Variants in FAF1 observed in about 807,000 individuals in gnomAD.
The protein encoded by FAF1 is FAS-associated factor 1.
In FAF1, 25 loss-of-function variants were observed where a neutral mutation model predicts 92.5. The observed-to-expected ratio is 0.27, with a 90% CI of 0.20 to 0.38. The LOEUF (loss-of-function observed/expected upper bound fraction) is 0.38, where lower values mean the gene tolerates loss of function less well. Ranked by LOEUF, FAF1 falls within the 10% of genes least tolerant of loss-of-function variation. FAF1 has a pLI of 1.00. For missense variants in FAF1, 636 were observed against 793.3 expected, an observed-to-expected ratio of 0.80 and a Z score of 2.38; for synonymous variants, 234 against 273.2, an observed-to-expected ratio of 0.86 and a Z score of 1.42.
chr1:50,894,515 C>A (rs1207840563), intron 1 of FAF1, among the ~76,000 whole-genome samples: 1 of 151,792 alleles, frequency 6.6e-6, no homozygotes, highest in African/African-American at 2.4e-5. Flanking sequence ...CAAGCTGTTA[C>A]TTAAGGCGCA....
intron 13 of FAF1, among the ~76,000 whole-genome samples, chr1:50,540,370 T>C (rs897652275): frequency 6.6e-6 from 1 of 152,122 alleles, no homozygotes; most frequent in East Asian, 1.9e-4. Context: ...TAGAATAATA[T>C]AGTGTTGTGC....
chr1:50,726,753 C>T (rs1009671461), intron 6 of FAF1, among the ~76,000 whole-genome samples: 1 of 152,064 alleles, frequency 6.6e-6, no homozygotes, highest in African/African-American at 2.4e-5. Context: ...GGCGTGAATC[C>T]GGGAGGCGGA....
At chr1:50,802,902 T>C (rs1285908605) in intron 2 of FAF1, among the ~76,000 whole-genome samples, 1 of 152,226 alleles carries the variant, frequency 6.6e-6, no homozygotes, top group Non-Finnish European at 1.5e-5. Context: ...ACTTAAGTAT[T>C]TGCCACAGTT....
At chr1:50,481,340 T>C (rs1439801543) in intron 17 of FAF1, among the ~76,000 whole-genome samples, 1 of 152,192 alleles carries the variant, frequency 6.6e-6, no homozygotes, top group Non-Finnish European at 1.5e-5. Flanking sequence ...GCTTCATTCA[T>C]GGTAAGTACC....
chr1:50,573,577 T>TCA (rs1260744552), intron 12 of FAF1, among the ~76,000 whole-genome samples: 1 of 152,112 alleles, frequency 6.6e-6, no homozygotes, highest in Non-Finnish European at 1.5e-5. Flanking sequence ...GTGAAAAGAA[T>TCA]CACAAAACTT....
At chr1:50,863,331 C>T (rs1361163251) in intron 1 of FAF1, among the ~76,000 whole-genome samples, 1 of 151,860 alleles carries the variant, frequency 6.6e-6, no homozygotes, top group East Asian at 1.9e-4. Context: ...AATAATGGCA[C>T]AACCTATCAA....
At chr1:50,678,672 C>G (rs749931302) in intron 7 of FAF1, among the ~76,000 whole-genome samples, 2 of 146,346 alleles carry the variant, frequency 1.4e-5, no homozygotes, top group Non-Finnish European at 3.0e-5. Context: ...CCCAGCTACT[C>G]AGAAGGCTGA....
At chr1:50,907,046 T>A (rs1644844900) in intron 1 of FAF1, among the ~76,000 whole-genome samples, 1 of 152,212 alleles carries the variant, frequency 6.6e-6, no homozygotes, top group African/African-American at 2.4e-5. Context: ...TATCTTGAGA[T>A]ACGTCCCATC....
chr1:50,607,777 C>T (rs768123344), intron 8 of FAF1, among the ~76,000 whole-genome samples: 6 of 152,228 alleles, frequency 3.9e-5, no homozygotes, highest in Non-Finnish European at 8.8e-5. Flanking sequence ...CAGTGACACT[C>T]GGACAAATCT....
At chr1:50,925,288 AAC>A (rs1235586368) in intron 1 of FAF1, among the ~76,000 whole-genome samples, 2 of 152,164 alleles carry the variant, frequency 1.3e-5, no homozygotes, top group African/African-American at 4.8e-5. Flanking sequence ...TCAGGACAAA[AAC>A]ACAGACAACA....
At chr1:50,865,161 T>C (rs1644469575) in intron 1 of FAF1, among the ~76,000 whole-genome samples, 1 of 152,146 alleles carries the variant, frequency 6.6e-6, no homozygotes, top group Non-Finnish European at 1.5e-5. Flanking sequence ...CCAGTTAGAA[T>C]GGCGATCATT....
intron 6 of FAF1, among the ~76,000 whole-genome samples, chr1:50,736,683 G>A (rs931777299): frequency 3.9e-5 from 6 of 151,922 alleles, no homozygotes; most frequent in African/African-American, 1.2e-4. Context: ...CCCAGGAGGC[G>A]GAGGTTGCAG....
At chr1:50,957,384 C>T (rs1313151730) in intron 1 of FAF1, among the ~76,000 whole-genome samples, 1 of 140,812 alleles carries the variant, frequency 7.1e-6, no homozygotes, top group African/African-American at 2.7e-5. Flanking sequence ...CAGAGTCTCG[C>T]TCTGTCGCCC....
At chr1:50,876,225 CA>C (rs1262806312) in intron 1 of FAF1, among the ~76,000 whole-genome samples, 1 of 152,126 alleles carries the variant, frequency 6.6e-6, no homozygotes, top group African/African-American at 2.4e-5. Context: ...GAGAACATTC[CA>C]TACAGAGAAA....
At chr1:50,646,363 T>C (rs1474359452) in intron 8 of FAF1, among the ~76,000 whole-genome samples, 2 of 152,242 alleles carry the variant, frequency 1.3e-5, no homozygotes, top group Non-Finnish European at 2.9e-5. Flanking sequence ...ACTTAATTTT[T>C]ATTAGAAATA....
intron 7 of FAF1, among the ~76,000 whole-genome samples, chr1:50,656,447 T>C (rs555854523): frequency 2.0e-4 from 31 of 152,226 alleles, no homozygotes; most frequent in African/African-American, 7.2e-4. Flanking sequence ...AGGCCCTTCC[T>C]GAAAATTAAA....
At chr1:50,499,242 T>C (rs1286429917) in intron 15 of FAF1, among the ~76,000 whole-genome samples, 2 of 152,092 alleles carry the variant, frequency 1.3e-5, no homozygotes, top group Admixed American at 6.5e-5. Context: ...CTTATTAGAC[T>C]GGCTAGAACT....
chr1:50,639,588 T>C (rs1373460434), intron 8 of FAF1, among the ~76,000 whole-genome samples: 2 of 152,204 alleles, frequency 1.3e-5, no homozygotes, highest in African/African-American at 2.4e-5. Flanking sequence ...ATAACTCTTT[T>C]TGTTCTTTTT....
intron 7 of FAF1, among the ~76,000 whole-genome samples, chr1:50,664,345 TAATACATA>T (rs1655526141): frequency 6.6e-6 from 1 of 150,842 alleles, no homozygotes; most frequent in South Asian, 2.1e-4. Flanking sequence ...TTCCTGGTCA[TAATACATA>T]TTTGGAACTT....
Sources: allele counts gnomAD v4.1 joint callset (sites outside exome capture counted in the v4.1 genomes callset), GRCh38; gene constraint gnomAD v4.1.1; transcripts MANE v1.5; gene names NCBI Gene and HGNC (gene_info 2026-07-23, HGNC 2026-07-21).